The following RNLS variants were observed in gnomAD, a reference collection of about 807,000 sequenced individuals.
The protein encoded by RNLS is renalase.
Under a neutral mutation model 39.8 loss-of-function variants are expected in RNLS, and 39 were observed. That is an observed-to-expected ratio of 0.98 (90% CI 0.76 to 1.28). The LOEUF (loss-of-function observed/expected upper bound fraction) is 1.28, where lower values mean the gene tolerates loss of function less well. Among genes scored for constraint, RNLS ranks in the 50% most tolerant of loss-of-function variants. RNLS has a pLI of 0.00. For synonymous variants in RNLS, 147 were observed against 150.7 expected, an observed-to-expected ratio of 0.98 and a Z score of 0.18; for missense variants, 410 against 413.3, an observed-to-expected ratio of 0.99 and a Z score of 0.07.
At chr10:88,487,097 C>T (rs1191048133) in intron 4 of RNLS, among the ~76,000 whole-genome samples, 2 of 152,078 alleles carry the variant, frequency 1.3e-5, no homozygotes, top group Non-Finnish European at 2.9e-5. Context: ...TTAGCAAACA[C>T]AGGAACAGAA....
chr10:88,203,476 A>G, the RNLS span, among the ~76,000 whole-genome samples: 4 of 2,666 alleles, frequency 1.5e-3, 1 homozygote, highest in African/African-American at 6.8e-3. Flanking sequence ...ATATATATAT[A>G]TATATATATA....
At chr10:88,261,135 T>G in the RNLS span, among the ~76,000 whole-genome samples, 2 of 152,246 alleles carry the variant, frequency 1.3e-5, no homozygotes, top group East Asian at 1.9e-4. Context: ...ATGGTCAGTA[T>G]GGAAGAAGAT....
intron 4 of RNLS, among the ~76,000 whole-genome samples, chr10:88,462,894 C>G (rs1589835590): frequency 6.6e-6 from 1 of 151,892 alleles, no homozygotes; most frequent in Non-Finnish European, 1.5e-5. Flanking sequence ...TGAAACAATT[C>G]TGTATATTCT....
rs1368922682 is a variant in RNLS, at chr10:88,327,433, T to C, written c.701-12792A>G. ...GATCTGATGGTTTTATAAGGGGCTC[T>C]TCCCCCTTCACTCCTCACTCTTCTC... On this transcript the variant is annotated intron_variant, in intron 5 of 6. Coordinates refer to ENST00000331772, the MANE Select transcript of RNLS (RefSeq NM_001031709.3). Among the ~76,000 whole-genome samples, 3 of 152,262 alleles carry C rather than the reference T, an allele frequency of 2.0e-5. No individual in the cohort carries two copies. The East Asian group carries it at 5.8e-4, about 29-fold the overall frequency.
At chr10:88,288,389 G>T (rs1843431245) in intron 6 of RNLS, among the ~76,000 whole-genome samples, 1 of 152,062 alleles carries the variant, frequency 6.6e-6, no homozygotes, top group Non-Finnish European at 1.5e-5. Flanking sequence ...AAGACTCGAT[G>T]AAGTAAAACA....
intron 4 of RNLS, among the ~76,000 whole-genome samples, chr10:88,528,852 CAAAAAA>C (rs35644317): frequency 1.1e-5 from 1 of 91,232 alleles, no homozygotes. Context: ...GACTCCGTCT[CAAAAAA>C]AAAAAAAAAA....
intron 4 of RNLS, among the ~76,000 whole-genome samples, chr10:88,380,773 T>TCATC (rs1265105240): frequency 6.6e-6 from 1 of 152,216 alleles, no homozygotes; most frequent in Non-Finnish European, 1.5e-5. Context: ...TACCTTTTCT[T>TCATC]ATTCATCATA....
chr10:88,172,862 T>TTTTTTTTTTTTTG, the RNLS span, among the ~76,000 whole-genome samples: 1 of 84,816 alleles, frequency 1.2e-5, no homozygotes, highest in Non-Finnish European at 2.7e-5. Flanking sequence ...TTTTTTTTTT[T>TTTTTTTTTTTTTG]TTTTTTTTTT....
the RNLS span, among the ~76,000 whole-genome samples, chr10:88,230,698 TTA>T: frequency 3.3e-5 from 5 of 152,340 alleles, no homozygotes; most frequent in Non-Finnish European, 7.3e-5. Context: ...CTTCCTTTAC[TTA>T]TATAGCTCCA....
At chr10:88,225,629 A>G in the RNLS span, among the ~76,000 whole-genome samples, 2 of 152,084 alleles carry the variant, frequency 1.3e-5, no homozygotes, top group East Asian at 3.9e-4. Context: ...CAGAGGGATT[A>G]TTTGGACCCA....
the RNLS span, among the ~76,000 whole-genome samples, chr10:88,228,378 G>A: frequency 2.0e-5 from 3 of 152,088 alleles, no homozygotes; most frequent in Non-Finnish European, 4.4e-5. Context: ...CCTCCCCCAT[G>A]ACCACTGCAG....
At chr10:88,365,520 CACACA>C (rs1481798197) in intron 4 of RNLS, among the ~76,000 whole-genome samples, 14 of 16,346 alleles carry the variant, frequency 8.6e-4, no homozygotes, top group African/African-American at 4.9e-3. Context: ...TTATATAACA[CACACA>C]CACACACACA....
the RNLS span, among the ~76,000 whole-genome samples, chr10:88,186,966 G>C: frequency 2.0e-5 from 3 of 151,526 alleles, no homozygotes; most frequent in South Asian, 6.2e-4. Flanking sequence ...ATAGTACAAA[G>C]CAAACTCTTC....
chr10:88,354,018 G>C (rs900817969), intron 5 of RNLS, among the ~76,000 whole-genome samples: 3 of 152,136 alleles, frequency 2.0e-5, no homozygotes, highest in Non-Finnish European at 4.4e-5. Context: ...TTTTATCAGA[G>C]ACTAGGATTG....
chr10:88,454,000 CAG>C (rs1476010258), intron 4 of RNLS, among the ~76,000 whole-genome samples: 1 of 152,122 alleles, frequency 6.6e-6, no homozygotes, highest in African/African-American at 2.4e-5. Context: ...ATCAATTTCA[CAG>C]AGTTATTGGA....
At chr10:88,492,070 T>A (rs373506583) in intron 4 of RNLS, among the ~76,000 whole-genome samples, 31 of 152,034 alleles carry the variant, frequency 2.0e-4, no homozygotes, top group African/African-American at 6.5e-4. Flanking sequence ...TAAACAAAGT[T>A]AATAATCTGC....
At chr10:88,580,115 T>TACCTTGCTGGATCACC (rs1251232821) in intron 3 of RNLS, among the ~76,000 whole-genome samples, 1 of 152,212 alleles carries the variant, frequency 6.6e-6, no homozygotes, top group Non-Finnish European at 1.5e-5. Context: ...CCTGGGTGTC[T>TACCTTGCTGGATCACC]ACCTTGCTGG....
At chr10:88,376,012 C>T (rs189646318) in intron 4 of RNLS, among the ~76,000 whole-genome samples, 4 of 152,166 alleles carry the variant, frequency 2.6e-5, no homozygotes, top group South Asian at 2.1e-4. Flanking sequence ...AGGTCTCTCA[C>T]GTAATACAAG....
At chr10:88,434,407 T>C (rs1855331988) in intron 4 of RNLS, among the ~76,000 whole-genome samples, 1 of 152,194 alleles carries the variant, frequency 6.6e-6, no homozygotes, top group Non-Finnish European at 1.5e-5. Flanking sequence ...CTTTGGGTTC[T>C]ACACTGTGAG....
Sources: allele counts gnomAD v4.1 joint callset (sites outside exome capture counted in the v4.1 genomes callset), GRCh38; gene constraint gnomAD v4.1.1; transcripts MANE v1.5; gene names NCBI Gene and HGNC (gene_info 2026-07-23, HGNC 2026-07-21).